ERBB2: variants seen among roughly 807,000 people sequenced by gnomAD.
ERBB2 encodes the protein erb-b2 receptor tyrosine kinase 2.
Under a neutral mutation model 149.0 loss-of-function variants are expected in ERBB2, and 61 were observed. The observed-to-expected ratio is 0.41, with a 90% CI of 0.33 to 0.51. ERBB2 has a LOEUF of 0.51. ERBB2 is among the 20% of genes least tolerant of loss of function. The probability of loss-of-function intolerance (pLI) is 0.25; values close to 1 mark genes in which losing one functional copy is unlikely to be tolerated. For missense variants in ERBB2, 1,205 were observed against 1,655.1 expected, an observed-to-expected ratio of 0.73 and a Z score of 4.72; for synonymous variants, 633 against 678.8, an observed-to-expected ratio of 0.93 and a Z score of 1.05.
chr17:39,701,669 G>A (rs2058118519), intron 1 of ERBB2, among the ~76,000 whole-genome samples: 1 of 152,144 alleles, frequency 6.6e-6, no homozygotes, highest in South Asian at 2.1e-4. Context: ...CTTTGTATTT[G>A]TGTGTCTGGG....
chr17:39,723,586 A>T lies in ERBB2; in HGVS notation c.2134A>T (p.Met712Leu), dbSNP rs991114244. Reference protein sequence around the residue: ...PSGAMPNQAQMRILKETELRK... With the variant: ...PSGAMPNQAQLRILKETELRK... ...CGGAGCGATGCCCAACCAGGCGCAG[A>T]TGCGGATCCTGAAAGAGACGGAGCT... The change falls in exon 18 of 27, where the codon ATG becomes TTG. Residue 712 changes from methionine (M) to leucine (L), a missense_variant. Transcript: ENST00000269571. This position sits in a 1 kb window ranked among gnomAD's most constrained non-coding sequence, Gnocchi z 6.2. The T allele has an allele frequency of 3.1e-6, 5 of 1,609,812 alleles. No homozygotes were observed. The highest frequency in any genetic ancestry group is 1.7e-5 in the Admixed American group (1 of 59,168).
chr17:39,725,264 G>C lies in ERBB2; in HGVS notation c.2649+60G>C, dbSNP rs2145871287. ...GTGGAGTGGTGTCTAGCCCATGGGA[G>C]AACTCTGAGTGGCCACCTCCCCACA... On this transcript the variant is annotated intron_variant, in intron 21 of 26. Transcript: ENST00000269571. The surrounding 1 kb of genome is among the most constrained non-coding windows in gnomAD (Gnocchi z 4.6). 1.2e-6 allele frequency: 2 copies of C among 1,613,342 alleles called. No individual in the cohort carries two copies. Among genetic ancestry groups the C allele is most frequent in the Non-Finnish European group, 1.7e-6 (2 of 1,179,390 alleles).
chr17:39,719,145 C>T (rs1289629236), intron 15 of ERBB2, among the ~76,000 whole-genome samples: 2 of 151,934 alleles, frequency 1.3e-5, no homozygotes, highest in Non-Finnish European at 2.9e-5. Flanking sequence ...CCTGTAATCC[C>T]AGCTATTTGA....
upstream of ERBB2, among the ~76,000 whole-genome samples, chr17:39,694,243 A>ACC (rs1567887931): frequency 3.1e-5 from 1 of 32,568 alleles, no homozygotes; most frequent in African/African-American, 1.0e-4. Flanking sequence ...ATATATATAT[A>ACC]TATATATATA....
Position 39,727,266 on chromosome 17 carries a change from C to A in ERBB2, c.3160-29C>A, listed in dbSNP as rs755764944. ...CCCCATCCCAGATCCGTGAGTGACC[C>A]CCATCATGACTTTCTTTCTTGTCCC... On this transcript the variant is annotated intron_variant, in intron 25 of 26. Coordinates refer to ENST00000269571, the MANE Select transcript of ERBB2 (RefSeq NM_004448.4). The surrounding 1 kb of genome is among the most constrained non-coding windows in gnomAD (Gnocchi z 4.3). The A allele has an allele frequency of 6.2e-7, 1 of 1,610,008 alleles. No homozygotes were observed. The highest frequency in any genetic ancestry group is 1.1e-5 in the South Asian group (1 of 90,646).
Position 39,725,584 on chromosome 17 carries a change from G to C in ERBB2, c.2726-123G>C. ...ATTAGGGAAAGACCGGGTAGGGTCT[G>C]TCTCCTGGCATCACATCTCCCCCTG... On this transcript the variant is annotated intron_variant, in intron 22 of 26. Coordinates refer to ENST00000269571, the MANE Select transcript of ERBB2 (RefSeq NM_004448.4). This position sits in a 1 kb window ranked among gnomAD's most constrained non-coding sequence, Gnocchi z 4.6. 1 of 1,263,084 alleles carries C rather than the reference G, an allele frequency of 7.9e-7. No individual in the cohort carries two copies. The highest frequency in any genetic ancestry group is 1.5e-5 in the African/African-American group (1 of 67,288). The allele number at this position is 1,263,084 out of a possible 1,614,324, so 78.2% of individuals were successfully genotyped here. A position where few individuals can be genotyped will look rare whatever the true frequency, so the allele number is the denominator to read the frequency against.
At chr17:39,711,817 G>T in intron 7 of ERBB2, 111 bp from the exon 8 acceptor site, 1 of 1,280,204 alleles carries the variant, frequency 7.8e-7, no homozygotes, top group Non-Finnish European at 1.1e-6. Flanking sequence ...GCGTGGTAGG[G>T]CATTTAAGTA....
intron 10 of ERBB2, 24 bp from the exon 11 acceptor site, chr17:39,715,422 T>G: frequency 1.9e-6 from 3 of 1,613,948 alleles, no homozygotes; most frequent in Non-Finnish European, 2.5e-6. Flanking sequence ...TCCCCACTCC[T>G]TTAATCTCAC....
At chr17:39,714,920 G>A (rs776849116) in intron 9 of ERBB2, among the ~76,000 whole-genome samples, 1 of 151,608 alleles carries the variant, frequency 6.6e-6, no homozygotes, top group African/African-American at 2.4e-5. Flanking sequence ...TAGGCGCGCG[G>A]CACCACACCC....
chr17:39,691,957 A>ATATC (rs964668266), upstream of ERBB2, among the ~76,000 whole-genome samples: 40 of 145,376 alleles, frequency 2.8e-4, 1 homozygote, highest in South Asian at 3.6e-3. Context: ...ATATATATAT[A>ATATC]TCTCTTGTGT....
upstream of ERBB2, among the ~76,000 whole-genome samples, chr17:39,694,298 TATGTGTATATATATATACACAC>T (rs2057807357): frequency 1.7e-5 from 1 of 59,888 alleles, no homozygotes; most frequent in Admixed American, 1.7e-4. Context: ...TACACATATA[TATGTGTATATATATATACACAC>T]ACACATATAT....
chr17:39,710,552 G>A (rs1456290212), intron 7 of ERBB2, 71 bp downstream of exon 7: 1 of 1,543,328 alleles, frequency 6.5e-7, no homozygotes, highest in East Asian at 2.3e-5. Flanking sequence ...GGGAGCATAT[G>A]GGGAGCACTG....
intron 5 of ERBB2, 51 bp from the exon 6 acceptor site, chr17:39,710,035 G>T (rs368612205): frequency 9.7e-6 from 15 of 1,543,638 alleles, no homozygotes; most frequent in African/African-American, 1.4e-5. Context: ...GCTGATGAGG[G>T]TCTGGTGCCC....
intron 7 of ERBB2, 101 bp downstream of exon 7, chr17:39,710,582 G>A: frequency 7.2e-7 from 1 of 1,383,546 alleles, no homozygotes; most frequent in Non-Finnish European, 1.0e-6. Flanking sequence ...TGCTTTGAGA[G>A]CTGGTCATGA....
At position 39,724,785 on chromosome 17, in the gene ERBB2, C is replaced by T. The variant is rs1164926091; in HGVS notation, c.2367C>T (p.Cys789=). The T allele has an allele frequency of 1.2e-6, 2 of 1,614,224 alleles. No individual in the cohort carries two copies. The highest frequency in any genetic ancestry group is 2.2e-5 in the East Asian group (1 of 44,882). ...ATGTCTCCCGCCTTCTGGGCATCTG[C>T]CTGACATCCACGGTGCAGCTGGTGA... ...SPYVSRLLGI[C]LTSTVQLVTQ... The change falls in exon 20 of 27, where the codon TGC becomes TGT. Residue 789 remains cysteine (C), a synonymous_variant. Coordinates refer to ENST00000269571, the MANE Select transcript of ERBB2 (RefSeq NM_004448.4).
upstream of ERBB2, among the ~76,000 whole-genome samples, chr17:39,691,993 A>G (rs1446658515): frequency 2.0e-5 from 3 of 148,548 alleles, no homozygotes; most frequent in Admixed American, 6.8e-5. Context: ...AGCTGGGATT[A>G]CAGGTGTGTG....
At position 39,723,824 on chromosome 17, in the gene ERBB2, A is replaced by T. The variant is rs2059583059; in HGVS notation, c.2209-88A>T. 4 of 1,495,144 alleles carry T rather than the reference A, an allele frequency of 2.7e-6. 1 individual carries two copies. Among genetic ancestry groups the T allele is most frequent in the Middle Eastern group, 3.5e-4 (2 of 5,700 alleles). 92.6% of individuals were successfully genotyped at this position (1,495,144 alleles called of 1,614,324 possible). ...GGGCCAAGCCCTAGGGTGGTGAAGG[A>T]TGTTTGGAGGACAAGTAATGATCTC... On this transcript the variant is annotated intron_variant, in intron 18 of 26. Transcript: ENST00000269571. The surrounding 1 kb of genome is among the most constrained non-coding windows in gnomAD (Gnocchi z 6.2).
intron 7 of ERBB2, among the ~76,000 whole-genome samples, chr17:39,710,814 G>C (rs1048952312): frequency 1.3e-5 from 2 of 152,230 alleles, no homozygotes; most frequent in Non-Finnish European, 2.9e-5. Context: ...ACATTTGAAA[G>C]AGTTAATATT....
At chr17:39,701,314 C>T (rs537806343) in intron 1 of ERBB2, among the ~76,000 whole-genome samples, 6 of 152,242 alleles carry the variant, frequency 3.9e-5, no homozygotes, top group African/African-American at 1.4e-4. Context: ...GGAAGTTCTG[C>T]CAGCATTCTG....
Sources: gnomAD v4.1 joint callset for allele counts (sites outside exome capture counted in the v4.1 genomes callset) on GRCh38, gnomAD v4.1.1 for gene constraint, Gnocchi (gnomAD v3.1) non-coding constraint, MANE v1.5 for transcripts, NCBI Gene and HGNC (gene_info 2026-07-23, HGNC 2026-07-21) for gene names.